Variants in SFXN2 observed in about 807,000 individuals in gnomAD.
SFXN2 encodes sideroflexin 2.
Under a neutral mutation model 41.9 loss-of-function variants are expected in SFXN2, and 37 were observed. That is an observed-to-expected ratio of 0.88 (90% CI 0.68 to 1.16). SFXN2 has a LOEUF of 1.16. Among genes scored for constraint, SFXN2 ranks in the 50% most tolerant of loss-of-function variants. SFXN2 has a pLI of 0.00. For synonymous variants in SFXN2, 150 were observed against 156.7 expected (o/e 0.96, Z 0.32); for missense variants, 386 against 425.2 (o/e 0.91, Z 0.81).
intron 6 of SFXN2, among the ~76,000 whole-genome samples, chr10:102,731,297 G>C (rs1222599542): frequency 6.7e-6 from 1 of 149,784 alleles, no homozygotes; most frequent in Non-Finnish European, 1.5e-5. Context: ...GGAATAGCTA[G>C]AGTAGCTACT....
chr10:102,720,608 C>G (rs1203634879), intron 1 of SFXN2, among the ~76,000 whole-genome samples: 3 of 148,346 alleles, frequency 2.0e-5, no homozygotes, highest in East Asian at 2.0e-4. Context: ...AAGACCCTGT[C>G]TCAAAAAAAA....
Position 102,735,882 on chromosome 10 carries a change from T to C in SFXN2, c.842T>C (p.Val281Ala), listed in dbSNP as rs746550907. Residue 281 changes from valine (V) to alanine (A), a missense_variant, in exon 11 of 12, where the codon GTG (valine) becomes GCG (alanine). Transcript: ENST00000369893. ...SGCFLIFMVP[V>A]ACGLFPQKCE... ...TGCAGCCTCATCTTCATGGTGCCAG[T>C]GGCGTGTGGGCTTTTCCCACAGAAA... The C allele has an allele frequency of 5.6e-6, 9 of 1,614,046 alleles. No homozygotes were observed. In the East Asian group the frequency reaches 2.0e-4, roughly 36 times the overall value.
Position 102,737,979 on chromosome 10 carries a change from C to A in SFXN2, c.*217C>A. ...AAAGGGTAGCAAAGGCCAATGTCTTCTAGCTGCTTCCTCAACCCCTGTCCC... is the reference window on the plus strand; with the variant it reads ...AAAGGGTAGCAAAGGCCAATGTCTTATAGCTGCTTCCTCAACCCCTGTCCC... On this transcript the variant is annotated 3_prime_UTR_variant, in exon 12 of 12. Transcript: ENST00000369893. The A allele has an allele frequency of 3.0e-6, 1 of 332,862 alleles. No individual in the cohort carries two copies. 20.6% of individuals were successfully genotyped at this position (332,862 alleles called of 1,614,324 possible). A position where few individuals can be genotyped will look rare whatever the true frequency, so the allele number is the denominator to read the frequency against.
At chr10:102,731,979 C>T (rs573952747) in intron 7 of SFXN2, among the ~76,000 whole-genome samples, 173 bp from the exon 8 acceptor site, 11 of 152,262 alleles carry the variant, frequency 7.2e-5, no homozygotes, top group African/African-American at 2.6e-4. Context: ...ATTTCTGGTC[C>T]ATAAAAACCT....
At chr10:102,737,431 C>T (rs1212140002) in intron 11 of SFXN2, among the ~76,000 whole-genome samples, 4 of 152,136 alleles carry the variant, frequency 2.6e-5, no homozygotes, top group Non-Finnish European at 5.9e-5. Flanking sequence ...TCTTGTGTCC[C>T]AAGCACTGTG....
In SFXN2 at chr10:102,737,645, C is replaced by T. The variant is rs756081041; in HGVS notation, c.870-18C>T. The T allele has an allele frequency of 9.0e-6, 14 of 1,557,050 alleles. No individual in the cohort carries two copies. In the South Asian group the frequency reaches 1.6e-4, roughly 17 times the overall value. On this transcript the variant is annotated intron_variant, in intron 11 of 11. Coordinates refer to ENST00000369893, the MANE Select transcript of SFXN2 (RefSeq NM_178858.6). The stretch of plus-strand genomic sequence containing the variant: ...TTGTTCCTGGTGGCATGCTCATAAT[C>T]CACTTCTCTCTTTTCAGTGAATTGC...
intron 1 of SFXN2, among the ~76,000 whole-genome samples, chr10:102,718,918 C>CTTTTTT (rs34471332): frequency 1.9e-4 from 14 of 74,300 alleles, no homozygotes; most frequent in African/African-American, 4.3e-4. Flanking sequence ...TTCTCGGCTT[C>CTTTTTT]TTTTTTTTTT....
chr10:102,724,370 A>G (rs1415057694), intron 1 of SFXN2, among the ~76,000 whole-genome samples: 1 of 152,088 alleles, frequency 6.6e-6, no homozygotes, highest in South Asian at 2.1e-4. Context: ...CATCTTTGTT[A>G]CAGTATTTTT....
rs7912571 is a variant in SFXN2, at chr10:102,739,631, A to G, written c.*1869A>G. 31,821 of 152,064 alleles carry G rather than the reference A, an allele frequency of 0.21. 3,452 individuals carry two copies. Among genetic ancestry groups the G allele is most frequent in the Middle Eastern group, 0.31 (92 of 294 alleles). The allele number at this position is 152,064 out of a possible 1,614,324, so 9.4% of individuals were successfully genotyped here. On this transcript the variant is annotated 3_prime_UTR_variant, in exon 12 of 12. Coordinates refer to ENST00000369893, the MANE Select transcript of SFXN2 (RefSeq NM_178858.6). ...CAGTGGTTCTTAAGCACATGCATCA[A>G]CCGGGCGCAGTGGCTCATGCCTGTA...
At chr10:102,714,771 A>C (rs1240058318) in intron 1 of SFXN2, 90 bp downstream of exon 1, 1 of 157,112 alleles carries the variant, frequency 6.4e-6, no homozygotes, top group Non-Finnish European at 1.4e-5. Flanking sequence ...CTGACTGCCC[A>C]GGCGGGGCTG....
In SFXN2 at chr10:102,734,805, C is replaced by T. The variant is rs1186325273; in HGVS notation, c.822-1057C>T. ...GATACCAACCCAGGTCTGTCAGAGTCCCGCGTCCTGTAAGACCTTGCCTCC... is the reference window on the plus strand; with the variant it reads ...GATACCAACCCAGGTCTGTCAGAGTTCCGCGTCCTGTAAGACCTTGCCTCC... On this transcript the variant is annotated intron_variant, in intron 10 of 11. Coordinates refer to ENST00000369893, the MANE Select transcript of SFXN2 (RefSeq NM_178858.6). This position sits in a 1 kb window ranked among gnomAD's most constrained non-coding sequence, Gnocchi z 4.1. Among the ~76,000 whole-genome samples the T allele has an allele frequency of 6.6e-6, 1 of 152,156 alleles. No individual in the cohort carries two copies. The highest frequency in any genetic ancestry group is 2.4e-5 in the African/African-American group (1 of 41,418).
rs1162947827 is a variant in SFXN2 at position 102,741,481 on chromosome 10, C to T, written c.*3719C>T. ...GAAGAAGAAGAGGTATAGAAGCTTC[C>T]TTTTGATCCAAGGTCTTTTCCTCAA... On this transcript the variant is annotated 3_prime_UTR_variant, in exon 12 of 12. Coordinates refer to ENST00000369893, the MANE Select transcript of SFXN2 (RefSeq NM_178858.6). 6.6e-6 allele frequency: 1 copy of T among 152,210 alleles called. No homozygotes were observed. Among genetic ancestry groups the T allele is most frequent in the Non-Finnish European group, 1.5e-5 (1 of 68,060 alleles). 9.4% of individuals were successfully genotyped at this position (152,210 alleles called of 1,614,324 possible). A position where few individuals can be genotyped will look rare whatever the true frequency, so the allele number is the denominator to read the frequency against.
At chr10:102,726,296 C>T (rs1590144997) in intron 1 of SFXN2, among the ~76,000 whole-genome samples, 2 of 152,142 alleles carry the variant, frequency 1.3e-5, no homozygotes, top group East Asian at 1.9e-4. Flanking sequence ...GCCAGAAACA[C>T]CTGGGGGTAT....
chr10:102,719,226 GCTT>G (rs1455075604), intron 1 of SFXN2, among the ~76,000 whole-genome samples: 1 of 149,026 alleles, frequency 6.7e-6, no homozygotes, highest in East Asian at 2.0e-4. Flanking sequence ...CCCGGCCTCA[GCTT>G]CTTTTTTTTT....
chr10:102,737,950 T>A lies in SFXN2; in HGVS notation c.*188T>A. ...TTGATTGGACCTCAGGGGAAAAAAG[T>A]GAAAAAGGGTAGCAAAGGCCAATGT... On this transcript the variant is annotated 3_prime_UTR_variant, in exon 12 of 12. Coordinates refer to ENST00000369893, the MANE Select transcript of SFXN2 (RefSeq NM_178858.6). The A allele has an allele frequency of 2.5e-6, 1 of 404,746 alleles. No homozygotes were observed. The highest frequency in any genetic ancestry group is 4.5e-6 in the Non-Finnish European group (1 of 223,126). The allele number at this position is 404,746 out of a possible 1,614,324, so 25.1% of individuals were successfully genotyped here.
In SFXN2 at chr10:102,721,512, T is replaced by A. The variant is rs569362876; in HGVS notation, c.-25-5100T>A. The stretch of plus-strand genomic sequence containing the variant: ...ATGTTTATATATTATTTTTATATGT[T>A]ATATTTAAACGTAATTCATGTCTAT... On this transcript the variant is annotated intron_variant, in intron 1 of 11. Coordinates refer to ENST00000369893, the MANE Select transcript of SFXN2 (RefSeq NM_178858.6). Among the ~76,000 whole-genome samples the A allele has an allele frequency of 6.8e-5, 10 of 147,964 alleles. No individual in the cohort carries two copies. In the South Asian group the frequency reaches 1.9e-3, roughly 28 times the overall value.
chr10:102,730,814 G>A (rs868229594), intron 6 of SFXN2, among the ~76,000 whole-genome samples: 4 of 152,226 alleles, frequency 2.6e-5, no homozygotes, highest in Non-Finnish European at 5.9e-5. Flanking sequence ...AGGGCCAGGC[G>A]TGGTAGCTCA....
At position 102,728,521 on chromosome 10, in the gene SFXN2, A is replaced by T. The variant is rs149583514; in HGVS notation, c.423A>T (p.Thr141=). The change falls in exon 4 of 12, where the codon ACA becomes ACT. Residue 141 remains threonine (T), a synonymous_variant. Coordinates refer to ENST00000369893, the MANE Select transcript of SFXN2 (RefSeq NM_178858.6). ...CCAACAGGAATGCGGCTTCCCCCACATCAGTCAGGTAGGAGACCTGAACCC... is the reference window on the plus strand; with the variant it reads ...CCAACAGGAATGCGGCTTCCCCCACTTCAGTCAGGTAGGAGACCTGAACCC... The part of the protein sequence containing the change: ...NYTNRNAASP[T]SVRQMALSYF... 3 of 1,613,748 alleles carry T rather than the reference A, an allele frequency of 1.9e-6. No homozygotes were observed. Among genetic ancestry groups the T allele is most frequent in the East Asian group, 4.5e-5 (2 of 44,838 alleles).
chr10:102,721,895 T>G (rs1359643798), intron 1 of SFXN2, among the ~76,000 whole-genome samples: 1 of 152,158 alleles, frequency 6.6e-6, no homozygotes, highest in Non-Finnish European at 1.5e-5. Flanking sequence ...AAAATGTTCC[T>G]CTTATACCTA....
Sources: gnomAD v4.1 joint callset for allele counts (sites outside exome capture counted in the v4.1 genomes callset) on GRCh38, gnomAD v4.1.1 for gene constraint, Gnocchi (gnomAD v3.1) non-coding constraint, MANE v1.5 for transcripts, NCBI Gene and HGNC (gene_info 2026-07-23, HGNC 2026-07-21) for gene names.